The following MYT1 variants were observed in gnomAD, a reference collection of about 807,000 sequenced individuals.
MYT1 encodes myelin transcription factor 1.
In MYT1, 23 loss-of-function variants were observed where a neutral mutation model predicts 123.0. The ratio of observed to expected loss-of-function variants is 0.19; its 90% confidence interval spans 0.13 to 0.26. MYT1 has a LOEUF of 0.26. MYT1 is among the 10% of genes least tolerant of loss of function. The pLI is 1.00. For missense variants in MYT1, 1,125 were observed against 1,472.5 expected (o/e 0.76, Z 3.86); for synonymous variants, 518 against 575.3 (o/e 0.90, Z 1.43).
At chr20:64,179,832 CTACACACACACAGT>C (rs1256045073) in intron 1 of MYT1, among the ~76,000 whole-genome samples, 4 of 151,794 alleles carry the variant, frequency 2.6e-5, no homozygotes, top group African/African-American at 7.3e-5. Flanking sequence ...TTACACAATG[CTACACACACACAGT>C]TACACACACA....
At chr20:64,169,811 A>G (rs1982195205) in intron 1 of MYT1, among the ~76,000 whole-genome samples, 1 of 152,200 alleles carries the variant, frequency 6.6e-6, no homozygotes, top group Non-Finnish European at 1.5e-5. Context: ...TGACGCTGTT[A>G]TTTTAATCGT....
intron 6 of MYT1, among the ~76,000 whole-genome samples, 159 bp from the exon 7 acceptor site, chr20:64,207,435 T>C (rs555778160): frequency 7.0e-4 from 107 of 152,286 alleles, no homozygotes; most frequent in African/African-American, 2.1e-3. Flanking sequence ...GAAAGGTCCA[T>C]ACCAAATCCC....
At chr20:64,173,180 T>C (rs1982337226) in intron 1 of MYT1, among the ~76,000 whole-genome samples, 1 of 152,060 alleles carries the variant, frequency 6.6e-6, no homozygotes, top group Admixed American at 6.5e-5. Context: ...TGTGCCTGAT[T>C]GGAAAAAGTG....
chr20:64,201,154 CAGAT>C (rs1387589966), intron 4 of MYT1, among the ~76,000 whole-genome samples: 1 of 152,170 alleles, frequency 6.6e-6, no homozygotes, highest in African/African-American at 2.4e-5. Context: ...TTTTTGGTAA[CAGAT>C]GGAGTGTGGA....
chr20:64,216,704 C>G (rs1292360186), intron 10 of MYT1, among the ~76,000 whole-genome samples: 1 of 152,214 alleles, frequency 6.6e-6, no homozygotes, highest in Non-Finnish European at 1.5e-5. Context: ...TTTGGCCCTG[C>G]CTGATACTCA....
At chr20:64,201,927 A>ACCCCCCGCGTGTCGGGAAC in intron 4 of MYT1, among the ~76,000 whole-genome samples, 1 of 139,556 alleles carries the variant, frequency 7.2e-6, no homozygotes, top group South Asian at 2.3e-4. Context: ...CGTGTCGGGA[A>ACCCCCCGCGTGTCGGGAAC]CCCCCGCGTG....
rs1375345040 is a variant in MYT1 at position 64,167,758 on chromosome 20, T to C, written c.-99+3019T>C. Among the ~76,000 whole-genome samples, 1 of 152,136 alleles carries C rather than the reference T, an allele frequency of 6.6e-6. No individual in the cohort carries two copies. The highest frequency in any genetic ancestry group is 1.5e-5 in the Non-Finnish European group (1 of 68,034). ...TCTCTCCCATCTTCCTCATCTTAGATCCTCCCCCTCTGCATTTTCCGTGTG... is the reference window on the plus strand; with the variant it reads ...TCTCTCCCATCTTCCTCATCTTAGACCCTCCCCCTCTGCATTTTCCGTGTG... On this transcript the variant is annotated intron_variant, in intron 1 of 22. Transcript: ENST00000328439. This position sits in a 1 kb window ranked among gnomAD's most constrained non-coding sequence, Gnocchi z 6.3.
chr20:64,222,703 T>G (rs1391467659), intron 14 of MYT1, among the ~76,000 whole-genome samples: 1 of 152,194 alleles, frequency 6.6e-6, no homozygotes, highest in Non-Finnish European at 1.5e-5. Context: ...GGGTCCCTCT[T>G]CTCCCCAACC....
chr20:64,205,042 A>C lies in MYT1; in HGVS notation c.94A>C (p.Thr32Pro), dbSNP rs1405561768. The part of the protein sequence containing the change: ...ETTAADLSCP[T>P]PGCTGSGHVR... The stretch of plus-strand genomic sequence containing the variant: ...CTTTTTATTTCCCCTCAGCTGCCCC[A>C]CCCCAGGATGCACAGGCTCAGGGCA... Residue 32 changes from threonine to proline, a missense_variant, in exon 5 of 23, where the codon ACC becomes CCC. Around this residue, in one of 4 missense-constraint regions of MYT1, gnomAD observed 406 missense variants for 432.2 expected, o/e 0.94. Coordinates refer to ENST00000328439, the MANE Select transcript of MYT1 (RefSeq NM_004535.3). 6.2e-7 allele frequency: 1 copy of C among 1,613,714 alleles called. No individual in the cohort carries two copies. The highest frequency in any genetic ancestry group is 1.3e-5 in the African/African-American group (1 of 74,824).
At chr20:64,229,746 T>C (rs942024702) in intron 18 of MYT1, among the ~76,000 whole-genome samples, 3 of 152,240 alleles carry the variant, frequency 2.0e-5, no homozygotes, top group African/African-American at 7.2e-5. Context: ...ACAGGAGTCC[T>C]TTTTATGATA....
intron 7 of MYT1, among the ~76,000 whole-genome samples, chr20:64,209,211 G>A (rs949179206): frequency 1.4e-4 from 21 of 152,138 alleles, no homozygotes; most frequent in African/African-American, 4.8e-4. Flanking sequence ...AAACGGTTAC[G>A]GCCTTCATTG....
At chr20:64,205,484 C>T in intron 5 of MYT1, 69 bp from the exon 6 acceptor site, 1 of 1,581,800 alleles carries the variant, frequency 6.3e-7, no homozygotes, top group Non-Finnish European at 8.6e-7. Flanking sequence ...TCGGGAGGGG[C>T]TCATGGGGTG....
chr20:64,169,376 G>A (rs865999775), intron 1 of MYT1, among the ~76,000 whole-genome samples: 4 of 152,208 alleles, frequency 2.6e-5, no homozygotes, highest in African/African-American at 4.8e-5. Context: ...TTGTCAAAGC[G>A]CTTGGGTCTT....
intron 16 of MYT1, among the ~76,000 whole-genome samples, chr20:64,225,324 G>T (rs193215446): frequency 3.9e-5 from 6 of 152,336 alleles, no homozygotes; most frequent in Admixed American, 2.6e-4. Context: ...GACAAACGAG[G>T]TTCCTTTCAT....
At chr20:64,204,936 C>A in intron 4 of MYT1, 99 bp from the exon 5 acceptor site, 2 of 1,213,016 alleles carry the variant, frequency 1.6e-6, no homozygotes, top group Non-Finnish European at 2.4e-6. Flanking sequence ...TGAGGTGAAT[C>A]GTCTGGAGAC....
At chr20:64,184,905 G>C (rs1413382537) in intron 1 of MYT1, among the ~76,000 whole-genome samples, 1 of 152,232 alleles carries the variant, frequency 6.6e-6, no homozygotes, top group Non-Finnish European at 1.5e-5. Flanking sequence ...GCCTGTACAG[G>C]TGACCGACAA....
intron 19 of MYT1, among the ~76,000 whole-genome samples, chr20:64,234,023 C>G (rs61124804): frequency 6.6e-6 from 1 of 152,186 alleles, no homozygotes; most frequent in Non-Finnish European, 1.5e-5. Context: ...CTGGCATGGA[C>G]ACAGCTGCAG....
rs143344503 is a variant in MYT1, at chr20:64,196,330, G to T, written c.1-2532G>T. The stretch of plus-strand genomic sequence containing the variant: ...CCTGGGTGGTGCTGGGCACAGGGCC[G>T]CCCCCAGCACCCGCTCTCCATCTAC... On this transcript the variant is annotated intron_variant, in intron 2 of 22. Coordinates refer to ENST00000328439, the MANE Select transcript of MYT1 (RefSeq NM_004535.3). The surrounding 1 kb of genome is among the most constrained non-coding windows in gnomAD (Gnocchi z 4.3). Among the ~76,000 whole-genome samples, 2 of 152,210 alleles carry T rather than the reference G, an allele frequency of 1.3e-5. No individual in the cohort carries two copies. The highest frequency in any genetic ancestry group is 2.9e-5 in the Non-Finnish European group (2 of 68,038).
At chr20:64,219,184 C>T (rs1983923946) in intron 12 of MYT1, 149 bp downstream of exon 12, 2 of 1,160,900 alleles carry the variant, frequency 1.7e-6, no homozygotes, top group African/African-American at 1.5e-5. Flanking sequence ...CCCTCCTGGC[C>T]ATGGCCCCAA....
Sources: gnomAD v4.1 joint callset for allele counts (sites outside exome capture counted in the v4.1 genomes callset) on GRCh38, gnomAD v4.1.1 for gene constraint, gnomAD v4.1.1 regional missense constraint, Gnocchi (gnomAD v3.1) non-coding constraint, MANE v1.5 for transcripts, NCBI Gene and HGNC (gene_info 2026-07-23, HGNC 2026-07-21) for gene names.